POLRMT: variants seen among roughly 807,000 people sequenced by gnomAD.
POLRMT encodes DNA-directed RNA polymerase, mitochondrial.
Under a neutral mutation model 132.2 loss-of-function variants are expected in POLRMT, and 114 were observed. That is an observed-to-expected ratio of 0.86 (90% confidence interval 0.74 to 1.01). The LOEUF is 1.01. Ranked by LOEUF, POLRMT falls within the 50% of genes least tolerant of loss-of-function variation. The pLI is 0.00. For synonymous variants in POLRMT, 1,020 were observed against 773.4 expected (o/e 1.32, Z -5.29); for missense variants, 2,003 against 1,729.1 (o/e 1.16, Z -2.81).
rs1226934881 is a variant in POLRMT at position 622,666 on chromosome 19, C to G, written c.1542G>C (p.Val514=). ...CCTGGCCACTGACCCGCTGCCTCTG[C>G]ACCACGTGCCGGCTGAAAGTGCGCG... The part of the protein sequence containing the change: ...LSARTFSRHV[V]QRQRVSGQVQ... Residue 514 remains valine, a synonymous_variant, in exon 8 of 21, where the codon GTG becomes GTC. Coordinates refer to ENST00000588649, the MANE Select transcript of POLRMT (RefSeq NM_005035.4). 3.1e-6 allele frequency: 5 copies of G among 1,606,474 alleles called. No homozygotes were observed. The highest frequency in any genetic ancestry group is 4.2e-6 in the Non-Finnish European group (5 of 1,177,824).
chr19:631,637 C>CA (rs769657941), intron 2 of POLRMT, among the ~76,000 whole-genome samples: 30 of 150,450 alleles, frequency 2.0e-4, no homozygotes, highest in Non-Finnish European at 3.4e-4. Flanking sequence ...GAATCCGTCT[C>CA]AAGAAAAAAA....
intron 1 of POLRMT, 52 bp downstream of exon 1, chr19:633,373 A>T (rs2144724258): frequency 6.9e-7 from 1 of 1,440,914 alleles, no homozygotes; most frequent in African/African-American, 1.5e-5. Flanking sequence ...CCGCGCGGGG[A>T]GGAGCCCACG....
rs563925555 is a variant in POLRMT at position 622,804 on chromosome 19, C to T, written c.1455+17G>A. ...CCCGCCCCGCCCGGGGACCCGGCCG[C>T]GCGGAGGAAGACGCACCTGCAGGAG... is the stretch of plus-strand genomic sequence containing the variant. On this transcript the variant is annotated intron_variant, in intron 7 of 20. Transcript: ENST00000588649. The T allele has an allele frequency of 1.9e-6, 3 of 1,574,182 alleles. 1 individual carries two copies. The highest frequency in any genetic ancestry group is 1.1e-5 in the South Asian group (1 of 87,046).
In POLRMT at chr19:622,717, G is replaced by A. The variant is rs1984716253; in HGVS notation, c.1491C>T (p.Phe497=). Residue 497 remains phenylalanine, a synonymous_variant, in exon 8 of 21, where the codon TTC becomes TTT. Transcript: ENST00000588649. ...CACTCAGCTCCCGGGCCAGGGTGGT[G>A]AAGGACTCACCTTGGGCGGGCAGCG... ...LQALPAQGES[F]TTLARELSAR... is the part of the protein sequence containing the mutation. 2 of 1,602,240 alleles carry A rather than the reference G, an allele frequency of 1.2e-6. No individual in the cohort carries two copies. Among genetic ancestry groups the A allele is most frequent in the Non-Finnish European group, 1.7e-6 (2 of 1,175,682 alleles).
chr19:618,895 C>CGGTGGTACACTGGGGT, intron 15 of POLRMT, 102 bp downstream of exon 15: 1 of 1,343,404 alleles, frequency 7.4e-7, no homozygotes, highest in Admixed American at 2.0e-5. Context: ...CACACTGGGG[C>CGGTGGTACACTGGGGT]GGTGGTACAC....
Position 630,216 on chromosome 19 carries a change from C to A in POLRMT, c.194-48G>T, listed in dbSNP as rs202071223. The A allele has an allele frequency of 1.5e-5, 23 of 1,527,122 alleles. No individual in the cohort carries two copies. In the African/African-American group the frequency reaches 1.5e-4, roughly 10 times the overall value. The allele number at this position is 1,527,122 out of a possible 1,614,324, so 94.6% of individuals were successfully genotyped here. A position where few individuals can be genotyped will look rare whatever the true frequency, so the allele number is the denominator to read the frequency against. ...ACATGAGAGGGACCCCCTCCCCATTCGAGCACCCGTCTCTCTGGACCCTGA... is the reference window on the plus strand; with the variant it reads ...ACATGAGAGGGACCCCCTCCCCATTAGAGCACCCGTCTCTCTGGACCCTGA... On this transcript the variant is annotated intron_variant, in intron 2 of 20. Transcript: ENST00000588649.
Position 629,707 on chromosome 19 carries a change from G to A in POLRMT, c.655C>T (p.Leu219Phe). Residue 219 changes from leucine (L) to phenylalanine (F), a missense_variant, in exon 3 of 21, where the codon CTC becomes TTC. By Grantham distance (22) the Leu-to-Phe change is conservative. Coordinates refer to ENST00000588649, the MANE Select transcript of POLRMT (RefSeq NM_005035.4). Reference protein sequence around the residue: ...APSGQHSQAQLSGQQQRLLAF... With the variant: ...APSGQHSQAQFSGQQQRLLAF... ...AGGAGCCTCTGCTGCTGACCTGAGA[G>A]CTGGGCCTGCGAGTGCTGCCCCGAC... The A allele has an allele frequency of 2.5e-6, 4 of 1,599,602 alleles. No homozygotes were observed. The highest frequency in any genetic ancestry group is 2.2e-5 in the East Asian group (1 of 44,694).
intron 2 of POLRMT, among the ~76,000 whole-genome samples, chr19:630,371 C>G (rs1985328695): frequency 6.6e-6 from 1 of 152,182 alleles, no homozygotes; most frequent in African/African-American, 2.4e-5. Flanking sequence ...TCCGCACCTC[C>G]CCACCCGAGC....
rs1021413556 is a variant in POLRMT, at chr19:619,047, G to A, written c.3217C>T (p.Pro1073Ser). 2 of 1,607,548 alleles carry A rather than the reference G, an allele frequency of 1.2e-6. No individual in the cohort carries two copies. The highest frequency in any genetic ancestry group is 1.3e-5 in the African/African-American group (1 of 74,570). ...HMGSVVEWVT[P>S]LGVPVIQPYR... ...GGCTGGATGACGGGGACGCCCAGGG[G>A]TGTGACCCACTCCACCACAGAGCCC... is the stretch of plus-strand genomic sequence containing the variant. The change falls in exon 15 of 21, where the codon CCC (proline) becomes TCC (serine). Residue 1073 changes from proline (P) to serine (S), a missense_variant. Transcript: ENST00000588649.
At position 619,609 on chromosome 19, in the gene POLRMT, G is replaced by T; in HGVS notation, c.3043C>A (p.Arg1015=). The change falls in exon 13 of 21, where the codon CGG becomes AGG. Residue 1015 remains arginine (R), a synonymous_variant. Coordinates refer to ENST00000588649, the MANE Select transcript of POLRMT (RefSeq NM_005035.4). ...GGRLQIEKRL[R]ELSDFPQEFV... ...ACCTGGGGAAAGTCGCTCAGCTCCC[G>T]GAGGCGCTTCTCAATCTGCAGGCGC... 2 of 1,611,142 alleles carry T rather than the reference G, an allele frequency of 1.2e-6. No individual in the cohort carries two copies. Among genetic ancestry groups the T allele is most frequent in the South Asian group, 2.2e-5 (2 of 91,018 alleles).
In POLRMT at chr19:621,822, C is replaced by T. The variant is rs747554799; in HGVS notation, c.1876G>A (p.Ala626Thr). Residue 626 changes from alanine (A) to threonine (T), a missense_variant, in exon 10 of 21, where the codon GCC (alanine) becomes ACC (threonine). By Grantham distance (58) the Ala-to-Thr change is moderately conservative. Transcript: ENST00000588649. ...QQIGILKPHP[A>T]YVQLLEKAAE... ...GCCTTCTCCAGCAGCTGCACGTAGGCCGGGTGCGGCTTCAGGATGCCGATC... is the reference window on the plus strand; with the variant it reads ...GCCTTCTCCAGCAGCTGCACGTAGGTCGGGTGCGGCTTCAGGATGCCGATC... 5.0e-6 allele frequency: 8 copies of T among 1,602,394 alleles called. No homozygotes were observed. The highest frequency in any genetic ancestry group is 2.2e-5 in the East Asian group (1 of 44,882).
At position 617,498 on chromosome 19, in the gene POLRMT, G is replaced by A. The variant is rs200770587; in HGVS notation, c.3582-18C>T. On this transcript the variant is annotated intron_variant, in intron 19 of 20. Coordinates refer to ENST00000588649, the MANE Select transcript of POLRMT (RefSeq NM_005035.4). Reference sequence around the variant, plus strand: ...TCTGGGGCCTGGGGTTGGAAGCAGGGTGGGGTGAGGCTGAGGCCAGGTTTT... The same window carrying A: ...TCTGGGGCCTGGGGTTGGAAGCAGGATGGGGTGAGGCTGAGGCCAGGTTTT... The A allele has an allele frequency of 9.3e-5, 150 of 1,610,436 alleles. No homozygotes were observed. The highest frequency in any genetic ancestry group is 3.9e-4 in the Middle Eastern group (2 of 5,184).
chr19:618,924 G>A (rs1204897400), intron 15 of POLRMT, 73 bp downstream of exon 15: 13 of 1,384,122 alleles, frequency 9.4e-6, no homozygotes, highest in African/African-American at 1.4e-5. Flanking sequence ...TGGTACGCTG[G>A]GGCACTGGTA....
In POLRMT at chr19:621,661, C is replaced by A. The variant is rs763421577; in HGVS notation, c.2037G>T (p.Gln679His). 36 of 1,542,780 alleles carry A rather than the reference C, an allele frequency of 2.3e-5. No individual in the cohort carries two copies. Among genetic ancestry groups the A allele is most frequent in the Non-Finnish European group, 3.1e-5 (35 of 1,147,386 alleles). Reference protein sequence around the residue: ...KLMRTVEGATQHQELLETCPP... With the variant: ...KLMRTVEGATHHQELLETCPP... ...GGCAGGTTTCCAGCAGCTCCTGGTG[C>A]TGCGTGGCGCCTTCCACCGTGCGCA... The change falls in exon 10 of 21, where the codon CAG becomes CAT. Residue 679 changes from glutamine (Q) to histidine (H), a missense_variant. Transcript: ENST00000588649.
rs369939108 is a variant in POLRMT, at chr19:617,265, C to G, written c.*9G>C. ...GCTTTATTTACACACTGACAAGGCT[C>G]ACGGGGTGTCAGCTGAAGAAGTAGG... On this transcript the variant is annotated 3_prime_UTR_variant, in exon 21 of 21. Coordinates refer to ENST00000588649, the MANE Select transcript of POLRMT (RefSeq NM_005035.4). 39 of 1,612,542 alleles carry G rather than the reference C, an allele frequency of 2.4e-5. No homozygotes were observed. In the East Asian group the frequency reaches 6.2e-4, roughly 26 times the overall value.
At chr19:618,437 G>A (rs56339162) in intron 17 of POLRMT, 51 bp downstream of exon 17, 19 of 1,420,458 alleles carry the variant, frequency 1.3e-5, no homozygotes, top group East Asian at 4.6e-5. Flanking sequence ...CTGCTAGCCA[G>A]AAGACGCCCC....
chr19:632,020 G>T (rs1273837359), intron 2 of POLRMT, among the ~76,000 whole-genome samples: 1 of 150,670 alleles, frequency 6.6e-6, no homozygotes. Flanking sequence ...TGATCCGCCC[G>T]CCTCGGCCTC....
chr19:620,324 GCA>G, intron 11 of POLRMT, 39 bp downstream of exon 11: 7 of 1,522,536 alleles, frequency 4.6e-6, no homozygotes, highest in Non-Finnish European at 6.2e-6. Context: ...CAGGCCCAGT[GCA>G]CACTGCACGG....
intron 9 of POLRMT, 59 bp downstream of exon 9, chr19:622,090 T>C: frequency 2.1e-6 from 3 of 1,445,104 alleles, no homozygotes; most frequent in South Asian, 1.3e-5. Flanking sequence ...GCCAACCCCA[T>C]GGGGTCCCTG....
Sources: allele counts gnomAD v4.1 joint callset (sites outside exome capture counted in the v4.1 genomes callset), GRCh38; gene constraint gnomAD v4.1.1; transcripts MANE v1.5; gene names NCBI Gene and HGNC (gene_info 2026-07-23, HGNC 2026-07-21).